Variants in SEPTIN2 observed in about 807,000 individuals in gnomAD.
The protein encoded by SEPTIN2 is septin-2.
Under a neutral mutation model 46.5 loss-of-function variants are expected in SEPTIN2, and 34 were observed. The ratio of observed to expected loss-of-function variants is 0.73; its 90% CI spans 0.56 to 0.97. The LOEUF is 0.97. SEPTIN2 is among the 50% of genes least tolerant of loss of function. The probability of loss-of-function intolerance (pLI) is 0.00; values close to 1 mark genes in which losing one functional copy is unlikely to be tolerated. For synonymous variants in SEPTIN2, 175 were observed against 153.4 expected (o/e 1.14, Z -1.04); for missense variants, 347 against 448.4 (o/e 0.77, Z 2.04).
intron 3 of SEPTIN2, among the ~76,000 whole-genome samples, chr2:241,327,508 C>CAAAAAAAAAAAAAAAGAAA (rs573510324): frequency 8.0e-6 from 1 of 125,434 alleles, no homozygotes; most frequent in Non-Finnish European, 1.7e-5. Flanking sequence ...GACAGGAAAG[C>CAAAAAAAAAAAAAAAGAAA]AAAAAAAAAA....
At chr2:241,329,260 G>C (rs1266532978) in intron 3 of SEPTIN2, among the ~76,000 whole-genome samples, 1 of 151,902 alleles carries the variant, frequency 6.6e-6, no homozygotes, top group Admixed American at 6.6e-5. Flanking sequence ...AAGTAGCTAA[G>C]ATTACAGGCA....
chr2:241,329,711 CTG>C (rs1216593740), intron 3 of SEPTIN2, among the ~76,000 whole-genome samples: 3 of 152,234 alleles, frequency 2.0e-5, no homozygotes, highest in Non-Finnish European at 4.4e-5. Context: ...TACCTTACTG[CTG>C]TGTCTGGTTT....
intron 3 of SEPTIN2, among the ~76,000 whole-genome samples, chr2:241,326,717 A>G (rs1436384644): frequency 6.6e-6 from 1 of 152,128 alleles, no homozygotes; most frequent in East Asian, 1.9e-4. Flanking sequence ...TCAAGAGAAC[A>G]CTCAAGCAGC....
intron 1 of SEPTIN2, among the ~76,000 whole-genome samples, chr2:241,323,261 C>A (rs998912196): frequency 4.6e-5 from 7 of 151,932 alleles, no homozygotes; most frequent in African/African-American, 1.7e-4. Context: ...ACCTCCGCCT[C>A]CCAGGTTCAA....
intron 1 of SEPTIN2, chr2:241,320,231 C>T (rs898278216): frequency 2.1e-6 from 1 of 471,044 alleles, no homozygotes; most frequent in African/African-American, 2.0e-5. Flanking sequence ...TGACTTTGGT[C>T]TTGTCCAAGG....
At chr2:241,317,251 T>C (rs2076476194) in intron 1 of SEPTIN2, among the ~76,000 whole-genome samples, 1 of 152,220 alleles carries the variant, frequency 6.6e-6, no homozygotes, top group Admixed American at 6.5e-5. Flanking sequence ...TGATGTGTAC[T>C]GTTATGTATA....
chr2:241,348,916 G>C (rs2060521444), intron 11 of SEPTIN2, among the ~76,000 whole-genome samples: 1 of 152,018 alleles, frequency 6.6e-6, no homozygotes, highest in African/African-American at 2.4e-5. Flanking sequence ...ATACTTCTTT[G>C]GTCAAATTAA....
Position 241,350,145 on chromosome 2 carries a change from G to A in SEPTIN2, c.1057G>A (p.Asp353Asn), listed in dbSNP as rs776582094. Residue 353 changes from aspartate (D) to asparagine (N), a missense_variant, in exon 12 of 13, where the codon GAT (aspartate) becomes AAT (asparagine). By Grantham distance (23) the Asp-to-Asn change is conservative (BLOSUM62 1). Coordinates refer to ENST00000391971, the MANE Select transcript of SEPTIN2 (RefSeq NM_004404.5). ...MQMQMQGGDG[D>N]GGALGHHV ...GATGCAGATGCAGGGCGGGGATGGC[G>A]ATGGCGGGGCTCTCGGGCACCACGT... The A allele has an allele frequency of 1.9e-5, 31 of 1,613,752 alleles. No homozygotes were observed. The highest frequency in any genetic ancestry group is 4.5e-5 in the East Asian group (2 of 44,900).
chr2:241,323,857 A>G lies in SEPTIN2; in HGVS notation c.-17-359A>G, dbSNP rs191107345. On this transcript the variant is annotated intron_variant, in intron 1 of 12. Coordinates refer to ENST00000391971, the MANE Select transcript of SEPTIN2 (RefSeq NM_004404.5). ...CAAATTTGATTGGCTACTATTGATT[A>G]CACTTGAAGGGATTTGTTTAACTTC... Among the ~76,000 whole-genome samples the G allele has an allele frequency of 6.0e-3, 919 of 152,346 alleles. 6 individuals carry two copies. The highest frequency in any genetic ancestry group is 9.5e-3 in the Non-Finnish European group (644 of 68,026).
At chr2:241,346,101 GT>G in intron 9 of SEPTIN2, 64 bp from the exon 10 acceptor site, 14 of 1,185,248 alleles carry the variant, frequency 1.2e-5, no homozygotes, top group East Asian at 2.4e-5. Context: ...TTGATGGGTG[GT>G]TTTTTTTCTC....
At chr2:241,329,997 T>C (rs2078727796) in intron 3 of SEPTIN2, among the ~76,000 whole-genome samples, 1 of 152,244 alleles carries the variant, frequency 6.6e-6, no homozygotes, top group Non-Finnish European at 1.5e-5. Context: ...TATTTAAGAA[T>C]GTTAGCACAG....
chr2:241,335,420 A>G (rs905344620), intron 4 of SEPTIN2: 33 of 1,375,222 alleles, frequency 2.4e-5, no homozygotes, highest in Non-Finnish European at 3.2e-5. Context: ...CCATGGATCC[A>G]TCCTCTCTTG....
intron 10 of SEPTIN2, 84 bp from the exon 11 acceptor site, chr2:241,348,050 T>G: frequency 9.2e-7 from 1 of 1,081,228 alleles, no homozygotes. Flanking sequence ...CATGTCATTT[T>G]AAATTTTAAA....
chr2:241,319,529 A>G (rs531784531), intron 1 of SEPTIN2, among the ~76,000 whole-genome samples: 146 of 152,344 alleles, frequency 9.6e-4, no homozygotes, highest in African/African-American at 1.7e-3. Flanking sequence ...TTAATTTTCT[A>G]TTGTTTAGAA....
intron 1 of SEPTIN2, among the ~76,000 whole-genome samples, chr2:241,319,224 A>G (rs1272839840): frequency 6.6e-6 from 1 of 152,212 alleles, no homozygotes; most frequent in Non-Finnish European, 1.5e-5. Flanking sequence ...AGCTATGTGT[A>G]ATGGTTTGTC....
At chr2:241,329,279 C>T (rs1000134804) in intron 3 of SEPTIN2, among the ~76,000 whole-genome samples, 3 of 151,928 alleles carry the variant, frequency 2.0e-5, no homozygotes, top group African/African-American at 4.8e-5. Flanking sequence ...CACCCGCCAC[C>T]ACACCTGGCT....
intron 3 of SEPTIN2, among the ~76,000 whole-genome samples, chr2:241,331,287 C>G (rs2078966606): frequency 6.6e-6 from 1 of 152,216 alleles, no homozygotes. Flanking sequence ...ACAAAACGTG[C>G]AAGACCTATA....
rs565533882 is a variant in SEPTIN2 at position 241,350,847 on chromosome 2, C to G, written c.*29+644C>G. Among the ~76,000 whole-genome samples the G allele has an allele frequency of 5.3e-5, 8 of 152,252 alleles. No individual in the cohort carries two copies. In the South Asian group the frequency reaches 1.7e-3, roughly 32 times the overall value. On this transcript the variant is annotated intron_variant, in intron 12 of 12. Coordinates refer to ENST00000391971, the MANE Select transcript of SEPTIN2 (RefSeq NM_004404.5). ...GCCCACTCCCCTGTATCTTATGTAT[C>G]TTATGGACAGGCAGGCTCTCTGAAC...
intron 4 of SEPTIN2, chr2:241,335,683 A>G (rs1297172520): frequency 3.5e-6 from 2 of 564,256 alleles, no homozygotes; most frequent in Non-Finnish European, 6.3e-6. Context: ...CTTTCAGAAT[A>G]TTTTTGAATT....
Sources: gnomAD v4.1 joint callset for allele counts (sites outside exome capture counted in the v4.1 genomes callset) on GRCh38, gnomAD v4.1.1 for gene constraint, MANE v1.5 for transcripts, NCBI Gene and HGNC (gene_info 2026-07-23, HGNC 2026-07-21) for gene names.